Variants in MED27 observed in about 807,000 individuals in gnomAD.
The protein encoded by MED27 is mediator complex subunit 27, also known as mediator of RNA polymerase II transcription subunit 27.
In MED27, 30 loss-of-function variants were observed where a neutral mutation model predicts 38.2. That is an observed-to-expected ratio of 0.79 (90% CI 0.59 to 1.07). The LOEUF is 1.07. MED27 is among the 50% of genes least tolerant of loss of function. The pLI, the probability that MED27 is intolerant of heterozygous loss-of-function variation, is 0.00. For missense variants in MED27, 289 were observed against 397.5 expected, an observed-to-expected ratio of 0.73 and a Z score of 2.32; for synonymous variants, 122 against 153.5, an observed-to-expected ratio of 0.79 and a Z score of 1.52.
intron 3 of MED27, among the ~76,000 whole-genome samples, chr9:131,941,843 T>TTTTTTTCA (rs57786480): frequency 7.1e-6 from 1 of 139,930 alleles, no homozygotes; most frequent in African/African-American, 2.9e-5. Flanking sequence ...TTTTTTTTTT[T>TTTTTTTCA]GAGACCGAGT....
intron 6 of MED27, among the ~76,000 whole-genome samples, chr9:131,878,683 T>G (rs1241688346): frequency 3.3e-5 from 5 of 152,106 alleles, no homozygotes; most frequent in Admixed American, 6.5e-5. Flanking sequence ...AATTGCTGGA[T>G]GAAAATGCAC....
intron 3 of MED27, among the ~76,000 whole-genome samples, chr9:131,946,166 T>C (rs532903353): frequency 1.3e-5 from 2 of 152,324 alleles, no homozygotes; most frequent in Admixed American, 1.3e-4. Context: ...GACAGTTAAG[T>C]TGATTCCACA....
intron 4 of MED27, among the ~76,000 whole-genome samples, chr9:131,894,942 TA>T (rs1236009945): frequency 6.6e-6 from 1 of 152,146 alleles, no homozygotes; most frequent in Non-Finnish European, 1.5e-5. Context: ...AGTGGCTTGT[TA>T]TAAAGCCAGG....
intron 3 of MED27, among the ~76,000 whole-genome samples, chr9:132,011,549 C>A (rs542952201): frequency 3.3e-5 from 5 of 152,270 alleles, no homozygotes; most frequent in African/African-American, 9.6e-5. Context: ...CATCTATAAT[C>A]CCAGCACTTT....
rs549142802 is a variant in MED27, at chr9:131,990,267, T to C, written c.479+24070A>G. Among the ~76,000 whole-genome samples the C allele has an allele frequency of 5.8e-4, 89 of 152,294 alleles. 3 individuals carry two copies. The South Asian group carries it at 0.017, about 29-fold the overall frequency. On this transcript the variant is annotated intron_variant, in intron 3 of 7. Coordinates refer to ENST00000292035, the MANE Select transcript of MED27 (RefSeq NM_004269.4). Reference sequence around the variant, plus strand: ...CCAAAGATACCATGTAATAAATACCTGAGGCTCATCTCCATCAATTTAGTG... The same window carrying C: ...CCAAAGATACCATGTAATAAATACCCGAGGCTCATCTCCATCAATTTAGTG...
At chr9:131,869,444 C>T (rs1838791684) in intron 6 of MED27, 1 of 975,002 alleles carries the variant, frequency 1.0e-6, no homozygotes, top group East Asian at 1.1e-4. Flanking sequence ...TCTGTGGCAG[C>T]CGAGGTTCGG....
At chr9:131,924,706 T>C (rs1301797649) in intron 4 of MED27, among the ~76,000 whole-genome samples, 2 of 152,204 alleles carry the variant, frequency 1.3e-5, no homozygotes, top group Non-Finnish European at 2.9e-5. Context: ...TACTGCACTG[T>C]TCTAATGATA....
At chr9:132,079,577 G>C (rs1834128028) in intron 1 of MED27, 65 bp downstream of exon 1, 2 of 1,493,336 alleles carry the variant, frequency 1.3e-6, no homozygotes, top group Non-Finnish European at 1.9e-6. Flanking sequence ...GAAGACTCGA[G>C]CGACGTAGGG....
At chr9:131,992,775 C>A (rs1211145945) in intron 3 of MED27, among the ~76,000 whole-genome samples, 3 of 152,162 alleles carry the variant, frequency 2.0e-5, no homozygotes, top group Middle Eastern at 3.2e-3. Flanking sequence ...GCCCCATAAG[C>A]CTTCCTCCTT....
chr9:131,884,138 T>C (rs1839097120), intron 5 of MED27, 39 bp from the exon 6 acceptor site: 1 of 1,548,294 alleles, frequency 6.5e-7, no homozygotes, highest in Admixed American at 1.9e-5. Context: ...GCATCGGTCT[T>C]AGAATTCGGG....
chr9:131,925,307 T>A (rs1830463362), intron 4 of MED27, among the ~76,000 whole-genome samples: 1 of 152,242 alleles, frequency 6.6e-6, no homozygotes, highest in Non-Finnish European at 1.5e-5. Context: ...GATGTTTTGA[T>A]ACAGGCATGC....
At chr9:131,876,328 C>T (rs2131469451) in intron 6 of MED27, among the ~76,000 whole-genome samples, 1 of 152,276 alleles carries the variant, frequency 6.6e-6, no homozygotes, top group Non-Finnish European at 1.5e-5. Context: ...CAGGGCAACG[C>T]AGCGTGCCCT....
chr9:131,948,034 G>C (rs528154432), intron 3 of MED27, among the ~76,000 whole-genome samples: 2 of 152,298 alleles, frequency 1.3e-5, no homozygotes, highest in South Asian at 4.1e-4. Flanking sequence ...CAGGAGATGA[G>C]ATTGACTGAA....
At position 132,002,918 on chromosome 9, in the gene MED27, C is replaced by CA. The variant is rs780189860; in HGVS notation, c.479+11418dup. Among the ~76,000 whole-genome samples, 184 of 100,870 alleles carry CA rather than the reference C, an allele frequency of 1.8e-3. 4 individuals are homozygous for CA. The highest frequency in any genetic ancestry group is 5.3e-3 in the African/African-American group (153 of 28,638). The allele number at this position is 100,870 out of a possible 152,430, so 66.2% of individuals were successfully genotyped here. ...GTACAGAGTGAGTGAGACTCTGTCT[C>CA]AAAAAAAAAAGAAAAAAGAAAAAGA... On this transcript the variant is annotated intron_variant, in intron 3 of 7. Coordinates refer to ENST00000292035, the MANE Select transcript of MED27 (RefSeq NM_004269.4).
intron 2 of MED27, among the ~76,000 whole-genome samples, chr9:132,038,872 C>T (rs1232212371): frequency 6.6e-6 from 1 of 152,038 alleles, no homozygotes; most frequent in Non-Finnish European, 1.5e-5. Context: ...AGATGGGTGC[C>T]GTGGCAGGGC....
intron 2 of MED27, among the ~76,000 whole-genome samples, chr9:132,052,058 G>A (rs570995706): frequency 3.3e-5 from 5 of 152,202 alleles, no homozygotes; most frequent in East Asian, 3.9e-4. Context: ...ATGAGATTTC[G>A]CGAGACAGGG....
At chr9:132,060,748 AG>A (rs1833680346) in intron 2 of MED27, among the ~76,000 whole-genome samples, 1 of 152,226 alleles carries the variant, frequency 6.6e-6, no homozygotes, top group Admixed American at 6.5e-5. Flanking sequence ...CAGGAGTTCA[AG>A]ATCAGCCTGG....
Position 132,051,575 on chromosome 9 carries a change from C to T in MED27, c.348+25867G>A, listed in dbSNP as rs968678647. Among the ~76,000 whole-genome samples the T allele has an allele frequency of 3.9e-5, 6 of 152,234 alleles. No individual in the cohort carries two copies. Among genetic ancestry groups the T allele is most frequent in the African/African-American group, 1.4e-4 (6 of 41,470 alleles). On this transcript the variant is annotated intron_variant, in intron 2 of 7. Transcript: ENST00000292035. This position sits in a 1 kb window ranked among gnomAD's most constrained non-coding sequence, Gnocchi z 4.2. ...AAGGGTTAGGTCAAGCACTCATCTA[C>T]ATGGCCCAAGGTTCCTTCCAGCCTC...
In MED27 at chr9:131,884,047, G is replaced by A. The variant is rs759402542; in HGVS notation, c.723+11C>T. On this transcript the variant is annotated intron_variant, in intron 6 of 7. Transcript: ENST00000292035. ...ATGCCGCTTGAGTAAGAAGCAAAAA[G>A]TAAAACTTACCTTCTGGAATACTTG... The A allele has an allele frequency of 6.3e-5, 101 of 1,611,052 alleles. No homozygotes were observed. Among genetic ancestry groups the A allele is most frequent in the Non-Finnish European group, 8.6e-5 (101 of 1,178,160 alleles).
Sources: allele counts gnomAD v4.1 joint callset (sites outside exome capture counted in the v4.1 genomes callset), GRCh38; gene constraint gnomAD v4.1.1; non-coding constraint Gnocchi (gnomAD v3.1); transcripts MANE v1.5; gene names NCBI Gene and HGNC (gene_info 2026-07-23, HGNC 2026-07-21).